TBC1D5: variants seen among roughly 807,000 people sequenced by gnomAD.
TBC1D5 encodes TBC1 domain family, member 5.
Under a neutral mutation model 100.3 loss-of-function variants are expected in TBC1D5, and 75 were observed. The ratio of observed to expected loss-of-function variants is 0.75; its 90% CI spans 0.62 to 0.91. The LOEUF is 0.91. TBC1D5 is among the 40% of genes least tolerant of loss of function. The pLI is 0.00. For synonymous variants in TBC1D5, 323 were observed against 325.6 expected, an observed-to-expected ratio of 0.99 and a Z score of 0.09; for missense variants, 910 against 942.4, an observed-to-expected ratio of 0.97 and a Z score of 0.45.
chr3:17,280,897 G>C (rs930502442), intron 15 of TBC1D5, among the ~76,000 whole-genome samples: 2 of 152,190 alleles, frequency 1.3e-5, no homozygotes, highest in African/African-American at 2.4e-5. Context: ...GCTTCAGGGT[G>C]GGGGAGTGGG....
rs114143436 is a variant in TBC1D5, at chr3:17,207,838, G to A, written c.1752+6369C>T. On this transcript the variant is annotated intron_variant, in intron 18 of 21. Transcript: ENST00000253692. ...GATAGCTACTACTATATTATTTTAG[G>A]TTTTATGTCTCTTTCTACCACTATT... Among the ~76,000 whole-genome samples, 644 of 152,234 alleles carry A rather than the reference G, an allele frequency of 4.2e-3. 2 individuals carry two copies. Among genetic ancestry groups the A allele is most frequent in the African/African-American group, 0.015 (608 of 41,524 alleles).
chr3:17,489,206 T>C (rs921891092), intron 3 of TBC1D5, among the ~76,000 whole-genome samples: 1 of 151,378 alleles, frequency 6.6e-6, no homozygotes, highest in African/African-American at 2.4e-5. Flanking sequence ...ACTAAGCAAG[T>C]AGTAGTTTGC....
At chr3:17,383,555 CAT>C (rs1384105974) in intron 9 of TBC1D5, among the ~76,000 whole-genome samples, 1 of 151,894 alleles carries the variant, frequency 6.6e-6, no homozygotes, top group African/African-American at 2.4e-5. Context: ...TTTTACATGA[CAT>C]GTCATATATT....
intron 2 of TBC1D5, among the ~76,000 whole-genome samples, chr3:17,563,877 G>A (rs1309340018): frequency 6.6e-6 from 1 of 152,186 alleles, no homozygotes; most frequent in Non-Finnish European, 1.5e-5. Context: ...CCGCCTCCTG[G>A]CTTCACGCCA....
intron 1 of TBC1D5, among the ~76,000 whole-genome samples, chr3:17,645,538 T>G (rs2064940552): frequency 6.6e-6 from 1 of 152,126 alleles, no homozygotes; most frequent in South Asian, 2.1e-4. Flanking sequence ...AAGGAATAGA[T>G]GGGTGCATGA....
chr3:17,385,905 T>C (rs1237515125), intron 8 of TBC1D5, among the ~76,000 whole-genome samples: 1 of 152,004 alleles, frequency 6.6e-6, no homozygotes, highest in African/African-American at 2.4e-5. Flanking sequence ...AGAGTAAGCA[T>C]ATGTCAGAGA....
chr3:17,382,156 C>A (rs528963812), intron 9 of TBC1D5, among the ~76,000 whole-genome samples: 1 of 152,184 alleles, frequency 6.6e-6, no homozygotes, highest in African/African-American at 2.4e-5. Flanking sequence ...CAACTACCAA[C>A]ATGAACCTTT....
chr3:17,249,803 C>G (rs527418396), intron 16 of TBC1D5, among the ~76,000 whole-genome samples: 10 of 152,028 alleles, frequency 6.6e-5, no homozygotes, highest in Admixed American at 2.0e-4. Flanking sequence ...GAGGAAAGAA[C>G]CAGTTGGTGG....
At chr3:17,178,926 T>G (rs943302256) in intron 19 of TBC1D5, among the ~76,000 whole-genome samples, 3 of 152,174 alleles carry the variant, frequency 2.0e-5, no homozygotes, top group Admixed American at 6.5e-5. Context: ...ATTATAGGCA[T>G]GGCCATGCTG....
At chr3:17,258,575 A>C in exon 16 of TBC1D5, 1 of 1,612,724 alleles carries the variant, frequency 6.2e-7, no homozygotes, top group Non-Finnish European at 8.5e-7. Context: ...TTGATAAGTC[A>C]CTGGTCTTGG....
chr3:17,337,154 T>C (rs1260206752), intron 13 of TBC1D5, among the ~76,000 whole-genome samples: 7 of 140,604 alleles, frequency 5.0e-5, no homozygotes, highest in Non-Finnish European at 1.1e-4. Context: ...TTAAGATAAC[T>C]GGGCCCTACC....
intron 2 of TBC1D5, among the ~76,000 whole-genome samples, chr3:17,541,724 G>A (rs758383247): frequency 6.6e-6 from 1 of 151,990 alleles, no homozygotes; most frequent in Non-Finnish European, 1.5e-5. Context: ...TTACTATGTT[G>A]AACAGAAATA....
chr3:17,651,141 T>A (rs1402876689), intron 1 of TBC1D5, among the ~76,000 whole-genome samples: 1 of 152,192 alleles, frequency 6.6e-6, no homozygotes, highest in Non-Finnish European at 1.5e-5. Flanking sequence ...GTTCTCTCAT[T>A]TATTTGAATC....
At chr3:17,320,805 C>T (rs2085313588) in intron 13 of TBC1D5, among the ~76,000 whole-genome samples, 1 of 152,058 alleles carries the variant, frequency 6.6e-6, no homozygotes, top group Non-Finnish European at 1.5e-5. Flanking sequence ...CTATCTTTAC[C>T]ATAGTATTAC....
In TBC1D5 at chr3:17,368,636, CATT is replaced by C. The variant is rs898992401; in HGVS notation, c.995+3436_995+3438del. On this transcript the variant is annotated intron_variant, in intron 13 of 21. Coordinates refer to ENST00000253692, the Ensembl canonical transcript of TBC1D5. ...GATAACATTTTGCCATTGGCTCATT[CATT>C]ATTGACATTTTTATTATAATTTCTA... is the stretch of plus-strand genomic sequence containing the variant. Among the ~76,000 whole-genome samples, 8 of 151,686 alleles carry C rather than the reference CATT, an allele frequency of 5.3e-5. 1 individual carries two copies. Among genetic ancestry groups the C allele is most frequent in the Non-Finnish European group, 1.0e-4 (7 of 67,876 alleles).
intron 2 of TBC1D5, among the ~76,000 whole-genome samples, chr3:17,620,021 G>A (rs1033378337): frequency 6.6e-6 from 1 of 152,202 alleles, no homozygotes; most frequent in South Asian, 2.1e-4. Context: ...TGTTTGCAAG[G>A]CTGTAGGGAA....
chr3:17,498,824 T>A (rs1374954629), intron 3 of TBC1D5, among the ~76,000 whole-genome samples: 2 of 152,104 alleles, frequency 1.3e-5, no homozygotes, highest in South Asian at 2.1e-4. Context: ...AAATATTTTT[T>A]AAAAAAACTC....
chr3:17,167,962 G>A, intron 19 of TBC1D5, 134 bp from the exon 21 acceptor site: 1 of 649,506 alleles, frequency 1.5e-6, no homozygotes, highest in Non-Finnish European at 2.7e-6. Context: ...AAGATGCTCT[G>A]CAAACTGCGG....
In TBC1D5 at chr3:17,611,157, G is replaced by A. The variant is rs190963348; in HGVS notation, c.-36+12692C>T. On this transcript the variant is annotated intron_variant, in intron 2 of 21. Transcript: ENST00000253692. ...ATCTTAAATTTCTAGCTCATGCAGT[G>A]GGTTATATGATGATACTAAAAAAGG... Among the ~76,000 whole-genome samples, 237 of 152,254 alleles carry A rather than the reference G, an allele frequency of 1.6e-3. 3 individuals carry two copies. The highest frequency in any genetic ancestry group is 4.7e-3 in the Admixed American group (72 of 15,292).
Sources: allele counts gnomAD v4.1 joint callset (sites outside exome capture counted in the v4.1 genomes callset), GRCh38; gene constraint gnomAD v4.1.1; transcripts MANE v1.5; gene names NCBI Gene and HGNC (gene_info 2026-07-23, HGNC 2026-07-21).